RARB: variants seen among roughly 807,000 people sequenced by gnomAD.
The protein encoded by RARB is retinoic acid receptor beta, also known as HBV-activated protein.
In RARB, 17 loss-of-function variants were observed where a neutral mutation model predicts 51.9. The ratio of observed to expected loss-of-function variants is 0.33; its 90% confidence interval spans 0.22 to 0.49. The LOEUF is 0.49. Ranked by LOEUF, RARB falls within the 20% of genes least tolerant of loss-of-function variation. RARB has a pLI of 0.99. For synonymous variants in RARB, 215 were observed against 195.4 expected, an observed-to-expected ratio of 1.10 and a Z score of -0.84; for missense variants, 369 against 550.8, an observed-to-expected ratio of 0.67 and a Z score of 3.30.
intron 5 of RARB, among the ~76,000 whole-genome samples, chr3:25,321,981 A>G (rs1704584412): frequency 6.6e-6 from 1 of 152,158 alleles, no homozygotes; most frequent in Non-Finnish European, 1.5e-5. Flanking sequence ...AAATTAAAAG[A>G]TAATAGTTGA....
intron 5 of RARB, among the ~76,000 whole-genome samples, chr3:25,232,029 G>T (rs935404266): frequency 6.6e-6 from 1 of 151,842 alleles, no homozygotes. Flanking sequence ...TTAATATTTA[G>T]ATCTATGAGG....
chr3:25,585,842 C>T (rs568171020), intron 5 of RARB, among the ~76,000 whole-genome samples: 3 of 152,162 alleles, frequency 2.0e-5, no homozygotes, highest in East Asian at 3.9e-4. Context: ...TTCCCCAGGT[C>T]GCGCAGCTAG....
At chr3:25,110,395 A>G in intron 3 of RARB, among the ~76,000 whole-genome samples, 1 of 152,242 alleles carries the variant, frequency 6.6e-6, no homozygotes, top group Middle Eastern at 3.2e-3. Flanking sequence ...ACTCAATCTA[A>G]GAGATGCCAA....
intron 5 of RARB, among the ~76,000 whole-genome samples, chr3:25,312,707 G>C (rs1328546757): frequency 6.6e-6 from 1 of 152,032 alleles, no homozygotes; most frequent in Admixed American, 6.6e-5. Context: ...TTAAAAATTG[G>C]GACATTTCAC....
intron 2 of RARB, among the ~76,000 whole-genome samples, chr3:24,894,359 T>C (rs538120110): frequency 2.0e-5 from 3 of 147,680 alleles, no homozygotes; most frequent in South Asian, 2.2e-4. Context: ...AGTGAGAACA[T>C]GCAATATTTA....
chr3:24,860,809 A>G (rs995411202), intron 2 of RARB, among the ~76,000 whole-genome samples: 4 of 152,174 alleles, frequency 2.6e-5, no homozygotes, highest in African/African-American at 9.7e-5. Flanking sequence ...GAGGTGAAGT[A>G]ACTTATCTGA....
intron 2 of RARB, among the ~76,000 whole-genome samples, chr3:24,961,287 A>G (rs1005516351): frequency 1.3e-5 from 2 of 152,196 alleles, no homozygotes; most frequent in Admixed American, 6.5e-5. Context: ...CGGTAGTTCT[A>G]ATTTTTCCAC....
At chr3:25,100,854 A>T (rs1381068199) in intron 3 of RARB, among the ~76,000 whole-genome samples, 1 of 152,196 alleles carries the variant, frequency 6.6e-6, no homozygotes, top group Admixed American at 6.5e-5. Flanking sequence ...GGAAATGGGA[A>T]GTAGAGGAAC....
intron 5 of RARB, among the ~76,000 whole-genome samples, chr3:25,212,854 C>T (rs1180184256): frequency 2.0e-5 from 3 of 152,182 alleles, no homozygotes; most frequent in Non-Finnish European, 2.9e-5. Flanking sequence ...TTTAGGGAAA[C>T]TCCAAGTAAA....
intron 5 of RARB, among the ~76,000 whole-genome samples, chr3:25,308,789 C>CT (rs1201407089): frequency 6.6e-6 from 1 of 152,090 alleles, no homozygotes; most frequent in African/African-American, 2.4e-5. Flanking sequence ...TTCCAATTTA[C>CT]TTTTTTTGTT....
intron 5 of RARB, among the ~76,000 whole-genome samples, chr3:25,393,354 T>C (rs1222757944): frequency 1.3e-5 from 2 of 152,046 alleles, no homozygotes; most frequent in Non-Finnish European, 2.9e-5. Context: ...GTCTGTAGTT[T>C]TTTGTTATGT....
intron 5 of RARB, among the ~76,000 whole-genome samples, chr3:25,249,723 G>C (rs1034034322): frequency 1.8e-4 from 25 of 142,456 alleles, no homozygotes; most frequent in African/African-American, 6.6e-4. Context: ...AACATCAGTA[G>C]TGTCTGTGAT....
At chr3:25,012,076 G>C (rs575734526) in intron 2 of RARB, among the ~76,000 whole-genome samples, 1 of 152,114 alleles carries the variant, frequency 6.6e-6, no homozygotes, top group South Asian at 2.1e-4. Context: ...AATCTCAGTG[G>C]GGAAAATAGT....
At chr3:24,861,688 TC>T (rs1249244217) in intron 2 of RARB, among the ~76,000 whole-genome samples, 3 of 151,948 alleles carry the variant, frequency 2.0e-5, no homozygotes, top group Admixed American at 6.6e-5. Flanking sequence ...CTTTCTAGTG[TC>T]TGGCTTAATA....
At chr3:25,450,243 A>G (rs956642947) in intron 1 of RARB, among the ~76,000 whole-genome samples, 109 of 152,366 alleles carry the variant, frequency 7.2e-4, no homozygotes, top group African/African-American at 2.6e-3. Flanking sequence ...TATTAGTCGC[A>G]TTATTGATAC....
chr3:25,596,637 A>G lies in RARB; in HGVS notation c.*21A>G, dbSNP rs1248578346. The G allele has an allele frequency of 6.4e-7, 1 of 1,553,430 alleles. No individual in the cohort carries two copies. Among genetic ancestry groups the G allele is most frequent in the Non-Finnish European group, 8.9e-7 (1 of 1,129,596 alleles). On this transcript the variant is annotated 3_prime_UTR_variant, in exon 8 of 8. Coordinates refer to ENST00000330688, the MANE Select transcript of RARB (RefSeq NM_000965.5). The stretch of plus-strand genomic sequence containing the variant: ...AATAAGACATTTTCTAGCTACTTCA[A>G]ACATTCCCCAGTACCTTCAGTTCCA...
At chr3:25,222,728 C>G (rs955219113) in intron 5 of RARB, among the ~76,000 whole-genome samples, 6 of 152,160 alleles carry the variant, frequency 3.9e-5, no homozygotes, top group Non-Finnish European at 7.3e-5. Context: ...ATAAGAGATG[C>G]TAAGAACTTG....
intron 2 of RARB, among the ~76,000 whole-genome samples, chr3:25,058,852 C>T (rs1024429587): frequency 2.6e-5 from 4 of 151,470 alleles, no homozygotes; most frequent in Admixed American, 2.0e-4. Flanking sequence ...ATAATCTAGA[C>T]ATTTGAAAAT....
intron 2 of RARB, among the ~76,000 whole-genome samples, chr3:24,932,982 C>G (rs549339071): frequency 1.3e-5 from 2 of 151,934 alleles, no homozygotes; most frequent in African/African-American, 4.8e-5. Flanking sequence ...TTTAAGTGGG[C>G]AGAATAAATT....
Sources: gnomAD v4.1 joint callset for allele counts (sites outside exome capture counted in the v4.1 genomes callset) on GRCh38, gnomAD v4.1.1 for gene constraint, MANE v1.5 for transcripts, NCBI Gene and HGNC (gene_info 2026-07-23, HGNC 2026-07-21) for gene names.